Variants in DGKB observed in about 807,000 individuals in gnomAD.
DGKB encodes the protein 90 kDa diacylglycerol kinase.
A neutral mutation model predicts 114.3 loss-of-function variants in DGKB; 67 were observed. The observed-to-expected ratio is 0.59, with a 90% CI of 0.48 to 0.72. The LOEUF is 0.72. Ranked by LOEUF, DGKB falls within the 30% of genes least tolerant of loss-of-function variation. The pLI, the probability that DGKB is intolerant of heterozygous loss-of-function variation, is 0.00. For synonymous variants in DGKB, 398 were observed against 323.1 expected, an observed-to-expected ratio of 1.23 and a Z score of -2.49; for missense variants, 907 against 975.2, an observed-to-expected ratio of 0.93 and a Z score of 0.93.
At chr7:14,806,867 T>TTAGAGCCAGGGCATTTGTTGTAGGGA (rs1243126249) in intron 2 of DGKB, among the ~76,000 whole-genome samples, 2 of 152,014 alleles carry the variant, frequency 1.3e-5, no homozygotes. Context: ...GCCCAGAAAA[T>TTAGAGCCAGGGCATTTGTTGTAGGGA]TAGAGCCAGG....
Position 14,967,187 on chromosome 7 carries a change from G to A in DGKB, c.-188+7509C>T, listed in dbSNP as rs924393205. On this transcript the variant is annotated intron_variant, in intron 1 of 4. Transcript: ENST00000437998. Reference sequence around the variant, plus strand: ...ACTTGAAAGACGGAAAATTTTAAATGAAAACCTTAATCCATATGTGCTGGA... The same window carrying A: ...ACTTGAAAGACGGAAAATTTTAAATAAAAACCTTAATCCATATGTGCTGGA... Among the ~76,000 whole-genome samples the A allele has an allele frequency of 3.3e-5, 5 of 152,238 alleles. No homozygotes were observed. In the East Asian group the frequency reaches 9.7e-4, roughly 29 times the overall value.
intron 21 of DGKB, among the ~76,000 whole-genome samples, chr7:14,355,703 A>T (rs564314708): frequency 6.6e-6 from 1 of 152,176 alleles, no homozygotes; most frequent in Admixed American, 6.5e-5. Context: ...GGACTTTTGC[A>T]TCGATCTTCA....
chr7:14,780,343 C>T (rs1412657750), intron 2 of DGKB, among the ~76,000 whole-genome samples: 1 of 152,064 alleles, frequency 6.6e-6, no homozygotes, highest in East Asian at 1.9e-4. Flanking sequence ...GCATCTTCGC[C>T]CACCCTAAAA....
intron 23 of DGKB, among the ~76,000 whole-genome samples, chr7:14,254,220 T>G (rs1281790411): frequency 2.0e-5 from 3 of 152,210 alleles, no homozygotes; most frequent in African/African-American, 7.2e-5. Context: ...TGCCTTATAC[T>G]CTCTTGCTAC....
intron 23 of DGKB, among the ~76,000 whole-genome samples, chr7:14,203,011 G>C (rs1234847087): frequency 6.6e-6 from 1 of 151,484 alleles, no homozygotes; most frequent in Non-Finnish European, 1.5e-5. Flanking sequence ...ATGTAATACT[G>C]TAAGATTTAC....
chr7:14,527,202 T>A (rs1790791601), intron 20 of DGKB, among the ~76,000 whole-genome samples: 1 of 152,150 alleles, frequency 6.6e-6, no homozygotes, highest in Admixed American at 6.6e-5. Flanking sequence ...GCAAGTTACT[T>A]AAATGATTTG....
intron 9 of DGKB, among the ~76,000 whole-genome samples, chr7:14,690,724 C>G (rs1822687831): frequency 6.6e-6 from 1 of 152,228 alleles, no homozygotes; most frequent in Non-Finnish European, 1.5e-5. Flanking sequence ...ATCTCTCCCT[C>G]TGCAGACAGT....
intron 6 of DGKB, among the ~76,000 whole-genome samples, chr7:14,716,210 C>G (rs895488863): frequency 6.6e-6 from 1 of 152,268 alleles, no homozygotes. Flanking sequence ...TAAGCCAGTG[C>G]TTCTCAAAAT....
At chr7:14,628,952 T>A (rs1809160011) in intron 14 of DGKB, among the ~76,000 whole-genome samples, 1 of 151,986 alleles carries the variant, frequency 6.6e-6, no homozygotes, top group Non-Finnish European at 1.5e-5. Flanking sequence ...TAAAAAAATA[T>A]ATAAAAACAA....
rs143966334 is a variant in DGKB at position 14,514,854 on chromosome 7, G to C, written c.1771-36629C>G. On this transcript the variant is annotated intron_variant, in intron 20 of 25. Transcript: ENST00000402815. ...GGACTGCTTGAGCCCAGGAGTTTAA[G>C]ATCAGCCTGAGCAACATAGGGAGAC... Among the ~76,000 whole-genome samples the C allele has an allele frequency of 9.7e-3, 1,478 of 152,066 alleles. 23 individuals are homozygous for C. The highest frequency in any genetic ancestry group is 0.032 in the African/African-American group (1,318 of 41,488).
intron 20 of DGKB, among the ~76,000 whole-genome samples, chr7:14,567,483 TTTATATATTATATATAA>T (rs1430401954): frequency 7.1e-5 from 5 of 70,772 alleles, no homozygotes; most frequent in Non-Finnish European, 1.1e-4. Context: ...ATTATATATA[TTTATATATTATATATAA>T]TTATATAATT....
intron 1 of DGKB, among the ~76,000 whole-genome samples, chr7:14,851,765 C>T (rs1331694424): frequency 1.3e-5 from 2 of 152,172 alleles, no homozygotes; most frequent in African/African-American, 4.8e-5. Context: ...CCAAAGAATG[C>T]TCAAAGTAGC....
At chr7:14,688,884 T>C (rs1447610995) in intron 9 of DGKB, among the ~76,000 whole-genome samples, 2 of 72,940 alleles carry the variant, frequency 2.7e-5, no homozygotes, top group African/African-American at 6.6e-5. Context: ...ATCTTTATCC[T>C]AGTGATTCTA....
intron 21 of DGKB, among the ~76,000 whole-genome samples, chr7:14,442,076 T>C (rs1830155081): frequency 6.6e-6 from 1 of 152,052 alleles, no homozygotes; most frequent in Non-Finnish European, 1.5e-5. Context: ...AGTTCCTTTC[T>C]TTGTAACTTC....
chr7:14,788,721 TCTC>T (rs1435241284), intron 2 of DGKB, among the ~76,000 whole-genome samples: 1 of 152,056 alleles, frequency 6.6e-6, no homozygotes, highest in African/African-American at 2.4e-5. Context: ...TCTCACCCTC[TCTC>T]CTCCTGGTCT....
At chr7:14,773,496 CAG>C (rs1309422114) in intron 2 of DGKB, among the ~76,000 whole-genome samples, 1 of 151,954 alleles carries the variant, frequency 6.6e-6, no homozygotes, top group Non-Finnish European at 1.5e-5. Flanking sequence ...TGAAGAATGA[CAG>C]AGAAGGTAAT....
intron 20 of DGKB, among the ~76,000 whole-genome samples, chr7:14,548,504 T>G (rs1305543707): frequency 6.6e-6 from 1 of 152,044 alleles, no homozygotes; most frequent in African/African-American, 2.4e-5. Context: ...AAAAGGTGGA[T>G]GTAAAGAGGA....
intron 1 of DGKB, among the ~76,000 whole-genome samples, chr7:14,862,992 C>A (rs1851207904): frequency 6.6e-6 from 1 of 151,784 alleles, no homozygotes; most frequent in African/African-American, 2.4e-5. Flanking sequence ...ATATTAGATA[C>A]TGTAAGAGGT....
At chr7:14,500,848 AT>A (rs1382185243) in intron 20 of DGKB, among the ~76,000 whole-genome samples, 3 of 151,894 alleles carry the variant, frequency 2.0e-5, no homozygotes, top group African/African-American at 7.2e-5. Flanking sequence ...ATTTAGCAAC[AT>A]TCTTGCTTCT....
Sources: allele counts gnomAD v4.1 joint callset (sites outside exome capture counted in the v4.1 genomes callset), GRCh38; gene constraint gnomAD v4.1.1; transcripts MANE v1.5; gene names NCBI Gene and HGNC (gene_info 2026-07-23, HGNC 2026-07-21).